The following NCAM2 variants were observed in gnomAD, a reference collection of about 807,000 sequenced individuals.
The protein encoded by NCAM2 is N-CAM-2.
Under a neutral mutation model 98.1 loss-of-function variants are expected in NCAM2, and 30 were observed. The ratio of observed to expected loss-of-function variants is 0.31; its 90% CI spans 0.23 to 0.41. The LOEUF (loss-of-function observed/expected upper bound fraction) is 0.41. Among genes scored for constraint, NCAM2 ranks in the 10% least tolerant of loss-of-function variants. NCAM2 has a pLI of 1.00. For missense variants in NCAM2, 867 were observed against 1,005.8 expected (o/e 0.86, Z 1.87); for synonymous variants, 368 against 342.4 (o/e 1.07, Z -0.83).
At chr21:21,323,676 G>A (rs909450857) in intron 5 of NCAM2, among the ~76,000 whole-genome samples, 3 of 152,102 alleles carry the variant, frequency 2.0e-5, no homozygotes, top group African/African-American at 7.2e-5. Flanking sequence ...CAAATGTGCA[G>A]CATATACAGT....
intron 12 of NCAM2, chr21:21,463,616 C>G (rs555283370): frequency 1.6e-4 from 24 of 152,192 alleles, no homozygotes; most frequent in African/African-American, 5.5e-4. Flanking sequence ...ATGTGAAACT[C>G]GGTCAGTACA....
At chr21:21,148,789 T>C (rs1316947971) in intron 1 of NCAM2, among the ~76,000 whole-genome samples, 1 of 152,162 alleles carries the variant, frequency 6.6e-6, no homozygotes, top group African/African-American at 2.4e-5. Flanking sequence ...GAAGGAGAAT[T>C]AGGAAATTAA....
chr21:21,526,093 T>G (rs1989307030), intron 16 of NCAM2, among the ~76,000 whole-genome samples: 1 of 152,042 alleles, frequency 6.6e-6, no homozygotes, highest in South Asian at 2.1e-4. Flanking sequence ...CCTCTCTCAC[T>G]AATTCTTTTC....
chr21:21,329,767 C>T (rs545872518), intron 6 of NCAM2, among the ~76,000 whole-genome samples: 52 of 152,108 alleles, frequency 3.4e-4, no homozygotes, highest in Admixed American at 1.8e-3. Flanking sequence ...GGAAAAATTG[C>T]CAGTGAAACC....
chr21:21,426,682 G>A (rs56718619), intron 11 of NCAM2, among the ~76,000 whole-genome samples: 2,757 of 152,178 alleles, frequency 0.018, 93 homozygotes, highest in African/African-American at 0.063. Context: ...TGGGGAGTTC[G>A]GATGCTACTC....
chr21:21,425,544 G>T (rs535667230), intron 11 of NCAM2, among the ~76,000 whole-genome samples: 1 of 151,956 alleles, frequency 6.6e-6, no homozygotes, highest in East Asian at 1.9e-4. Context: ...TGATATCTTG[G>T]TAGTGAATGA....
intron 12 of NCAM2, among the ~76,000 whole-genome samples, chr21:21,455,724 C>T (rs1338391344): frequency 6.6e-6 from 1 of 151,642 alleles, no homozygotes; most frequent in East Asian, 1.9e-4. Flanking sequence ...CATATTAATT[C>T]ATTTAAAATA....
chr21:21,453,661 A>G (rs994149990), intron 12 of NCAM2, among the ~76,000 whole-genome samples: 2 of 152,140 alleles, frequency 1.3e-5, no homozygotes, highest in Admixed American at 6.6e-5. Flanking sequence ...TTAGAAAAGT[A>G]AAAGTTACCT....
intron 1 of NCAM2, among the ~76,000 whole-genome samples, chr21:21,130,544 T>G (rs182166764): frequency 6.6e-6 from 1 of 152,254 alleles, no homozygotes; most frequent in Non-Finnish European, 1.5e-5. Context: ...GAAGTATATA[T>G]AATTACACTA....
At chr21:21,521,734 A>G (rs1047451666) in intron 16 of NCAM2, among the ~76,000 whole-genome samples, 3 of 152,092 alleles carry the variant, frequency 2.0e-5, no homozygotes, top group Non-Finnish European at 4.4e-5. Context: ...TCAAACAAAC[A>G]AATAAACTAA....
At chr21:21,454,922 G>A (rs1379413649) in intron 12 of NCAM2, among the ~76,000 whole-genome samples, 1 of 151,814 alleles carries the variant, frequency 6.6e-6, no homozygotes, top group Non-Finnish European at 1.5e-5. Context: ...TAAGCAGGTG[G>A]TTAGTACCAT....
intron 12 of NCAM2, among the ~76,000 whole-genome samples, chr21:21,448,198 G>A (rs77888889): frequency 6.6e-6 from 1 of 152,066 alleles, no homozygotes; most frequent in African/African-American, 2.4e-5. Context: ...TAAACACCAT[G>A]GAATACTATG....
chr21:21,214,721 C>CCA (rs1308314069), intron 1 of NCAM2, among the ~76,000 whole-genome samples: 2 of 22,584 alleles, frequency 8.9e-5, no homozygotes, highest in Non-Finnish European at 3.1e-4. Context: ...TATATATATT[C>CCA]CATATATATA....
intron 16 of NCAM2, among the ~76,000 whole-genome samples, chr21:21,530,169 TTTAA>T (rs1171711981): frequency 4.3e-5 from 6 of 139,644 alleles, no homozygotes; most frequent in African/African-American, 1.6e-4. Context: ...TTTAATTTAA[TTTAA>T]TTATATATGA....
intron 11 of NCAM2, among the ~76,000 whole-genome samples, chr21:21,424,375 A>T (rs1358007818): frequency 2.0e-5 from 3 of 152,210 alleles, no homozygotes; most frequent in Admixed American, 6.5e-5. Context: ...AATACATGGC[A>T]TCTGGTCTTT....
chr21:21,390,705 G>T (rs768893419), intron 9 of NCAM2, among the ~76,000 whole-genome samples: 34 of 151,930 alleles, frequency 2.2e-4, no homozygotes, highest in Non-Finnish European at 7.4e-5. Context: ...ATCATTTCAA[G>T]AATTTATAAA....
chr21:21,227,765 C>T (rs1352163598), intron 1 of NCAM2, among the ~76,000 whole-genome samples: 4 of 151,664 alleles, frequency 2.6e-5, no homozygotes, highest in Non-Finnish European at 5.9e-5. Flanking sequence ...AATTGGCTAT[C>T]TGAATGGAAA....
intron 1 of NCAM2, among the ~76,000 whole-genome samples, chr21:21,102,937 T>C (rs941235903): frequency 6.6e-6 from 1 of 152,104 alleles, no homozygotes. Flanking sequence ...GATTTTATAA[T>C]TCTGTGTAAA....
rs115865400 is a variant in NCAM2, at chr21:21,460,543, A to G, written c.1655-6063A>G. Among the ~76,000 whole-genome samples the G allele has an allele frequency of 7.3e-3, 1,117 of 152,114 alleles. 10 individuals are homozygous for G. Among genetic ancestry groups the G allele is most frequent in the African/African-American group, 0.026 (1,073 of 41,558 alleles). On this transcript the variant is annotated intron_variant, in intron 12 of 17. Coordinates refer to ENST00000400546, the MANE Select transcript of NCAM2 (RefSeq NM_004540.5). ...AACAAGAGCAGAGTGCATTTGTAATAAAGGATAACTACTATAGATTTAACA... is the reference window on the plus strand; with the variant it reads ...AACAAGAGCAGAGTGCATTTGTAATGAAGGATAACTACTATAGATTTAACA...
Sources: allele counts gnomAD v4.1 joint callset (sites outside exome capture counted in the v4.1 genomes callset), GRCh38; gene constraint gnomAD v4.1.1; transcripts MANE v1.5; gene names NCBI Gene and HGNC (gene_info 2026-07-23, HGNC 2026-07-21).